STK3: variants seen among roughly 807,000 people sequenced by gnomAD.
STK3 encodes the protein serine/threonine kinase 3, also known as serine/threonine-protein kinase 3.
In STK3, 41 loss-of-function variants were observed where a neutral mutation model predicts 58.0. The observed-to-expected ratio is 0.71, with a 90% CI of 0.55 to 0.92. STK3 has a LOEUF of 0.92. Ranked by LOEUF, STK3 falls within the 40% of genes least tolerant of loss-of-function variation. The probability of loss-of-function intolerance (pLI) is 0.00; values close to 1 mark genes in which losing one functional copy is unlikely to be tolerated. For synonymous variants in STK3, 170 were observed against 191.0 expected, an observed-to-expected ratio of 0.89 and a Z score of 0.91; for missense variants, 479 against 602.7, an observed-to-expected ratio of 0.79 and a Z score of 2.15.
chr8:98,359,632 T>C, the STK3 span, among the ~76,000 whole-genome samples: 2 of 152,174 alleles, frequency 1.3e-5, no homozygotes, highest in South Asian at 4.1e-4. Flanking sequence ...AGTCTCCTAA[T>C]GGGTTTGCCT....
chr8:98,918,037 G>T (rs561492655), intron 1 of STK3, among the ~76,000 whole-genome samples: 1 of 152,312 alleles, frequency 6.6e-6, no homozygotes, highest in East Asian at 1.9e-4. Context: ...GACCTTGTAT[G>T]TATTATCTCA....
chr8:98,355,510 C>A, the STK3 span, among the ~76,000 whole-genome samples: 2 of 152,218 alleles, frequency 1.3e-5, no homozygotes, highest in Admixed American at 1.3e-4. Flanking sequence ...GTAGTACCTA[C>A]ATGATAGCAA....
Position 98,825,553 on chromosome 8 carries a change from CAG to C in STK3, c.-15_-14del, listed in dbSNP as rs1181011869. The C allele has an allele frequency of 2.1e-6, 3 of 1,455,708 alleles. No homozygotes were observed. The highest frequency in any genetic ancestry group is 3.1e-5 in the East Asian group (1 of 32,074). The allele number at this position is 1,455,708 out of a possible 1,614,324, so 90.2% of individuals were successfully genotyped here. A position where few individuals can be genotyped will look rare whatever the true frequency, so the allele number is the denominator to read the frequency against. On this transcript the variant is annotated 5_prime_UTR_variant, in exon 1 of 11. Coordinates refer to ENST00000419617, the MANE Select transcript of STK3 (RefSeq NM_006281.4). ...GCGGCTGCTCCATGGCGGCCGGGGA[CAG>C]AGAGAGGGACCTGGTGGACGGCGAA...
exon 3 of STK3, chr8:98,434,151 G>A (rs1818403275): frequency 6.6e-6 from 1 of 152,272 alleles, no homozygotes; most frequent in African/African-American, 2.4e-5. Context: ...GCATCTGCAG[G>A]TGGCCTCGTC....
At chr8:98,665,380 A>C (rs566239668) in intron 6 of STK3, among the ~76,000 whole-genome samples, 16 of 152,106 alleles carry the variant, frequency 1.1e-4, no homozygotes, top group Non-Finnish European at 1.9e-4. Flanking sequence ...TGGTTACATA[A>C]ACCACCAAGG....
At chr8:98,736,051 G>C (rs968720991) in intron 4 of STK3, among the ~76,000 whole-genome samples, 1 of 151,862 alleles carries the variant, frequency 6.6e-6, no homozygotes. Context: ...GGCACAAAAA[G>C]AACATGAAAC....
At chr8:98,422,309 T>C (rs1457500770) in intron 3 of STK3, among the ~76,000 whole-genome samples, 1 of 151,990 alleles carries the variant, frequency 6.6e-6, no homozygotes, top group Non-Finnish European at 1.5e-5. Flanking sequence ...CCTCTCAATC[T>C]CTCCCCTCCC....
At chr8:98,845,184 C>A (rs891399080) in intron 3 of STK3, among the ~76,000 whole-genome samples, 1 of 151,988 alleles carries the variant, frequency 6.6e-6, no homozygotes, top group East Asian at 1.9e-4. Flanking sequence ...CTAGCTATAC[C>A]GACTTATTTT....
chr8:98,651,183 C>T (rs185311143), intron 6 of STK3, among the ~76,000 whole-genome samples: 104 of 152,262 alleles, frequency 6.8e-4, no homozygotes, highest in African/African-American at 2.1e-3. Context: ...TTCGCGGTCA[C>T]GAAAATCTGC....
chr8:98,353,305 T>C, the STK3 span, among the ~76,000 whole-genome samples: 2 of 151,958 alleles, frequency 1.3e-5, no homozygotes, highest in African/African-American at 4.8e-5. Context: ...GAGACCTCCA[T>C]CTCTACAAAA....
rs940407987 is a variant in STK3 at position 98,706,633 on chromosome 8, T to C, written c.518A>G (p.Asp173Gly). 1.3e-6 allele frequency: 2 copies of C among 1,584,740 alleles called. No homozygotes were observed. Among genetic ancestry groups the C allele is most frequent in the Non-Finnish European group, 1.7e-6 (2 of 1,167,340 alleles). Residue 173 changes from aspartate (D) to glycine (G), a missense_variant and splice_region_variant, in exon 6 of 11, where the codon GAT becomes GGT. Coordinates refer to ENST00000419617, the MANE Select transcript of STK3 (RefSeq NM_006281.4). The part of the protein sequence containing the change: ...ADFGVAGQLT[D>G]TMAKRNTVIG... ...TACAGTATTGCGTTTTGCCATTGTA[T>C]CCTGCAATAATGTTACATAGCCATA...
At chr8:98,563,630 A>G (rs1392453015) in intron 8 of STK3, among the ~76,000 whole-genome samples, 1 of 152,162 alleles carries the variant, frequency 6.6e-6, no homozygotes, top group Non-Finnish European at 1.5e-5. Context: ...GAAATATACA[A>G]GATGAGCCTA....
intron 10 of STK3, among the ~76,000 whole-genome samples, chr8:98,462,374 T>G (rs953675729): frequency 1.3e-5 from 2 of 152,200 alleles, no homozygotes; most frequent in African/African-American, 4.8e-5. Flanking sequence ...CTACTCATGC[T>G]GTTTTCCTTC....
chr8:98,942,128 C>T (rs1447894706), intron 1 of STK3, among the ~76,000 whole-genome samples: 3 of 152,230 alleles, frequency 2.0e-5, no homozygotes, highest in Non-Finnish European at 2.9e-5. Flanking sequence ...GCAATGCCTG[C>T]GCCCTAGACG....
intron 9 of STK3, among the ~76,000 whole-genome samples, chr8:98,544,108 C>A (rs1194764233): frequency 6.6e-6 from 1 of 151,156 alleles, no homozygotes; most frequent in South Asian, 2.1e-4. Context: ...GCAGAAGCAA[C>A]GAAATAATGA....
intron 8 of STK3, among the ~76,000 whole-genome samples, chr8:98,563,059 A>C (rs1216395587): frequency 6.6e-6 from 1 of 152,116 alleles, no homozygotes; most frequent in Non-Finnish European, 1.5e-5. Context: ...ATTGAAACAA[A>C]TTCACTGAAG....
chr8:98,521,630 C>A (rs1052805862), intron 10 of STK3, among the ~76,000 whole-genome samples: 1 of 152,132 alleles, frequency 6.6e-6, no homozygotes, highest in Non-Finnish European at 1.5e-5. Flanking sequence ...GACTCTGTAA[C>A]CTTGCAAGCT....
chr8:98,510,315 C>T (rs868403536), intron 10 of STK3, among the ~76,000 whole-genome samples: 42 of 152,118 alleles, frequency 2.8e-4, no homozygotes, highest in African/African-American at 3.9e-4. Context: ...TGTCTGAAGA[C>T]GGTTATGTGT....
intron 9 of STK3, among the ~76,000 whole-genome samples, chr8:98,537,542 C>T (rs537564239): frequency 2.4e-4 from 36 of 152,238 alleles, no homozygotes; most frequent in African/African-American, 8.4e-4. Context: ...CAGGAAATCT[C>T]AAGATAGTAA....
Sources: gnomAD v4.1 joint callset for allele counts (sites outside exome capture counted in the v4.1 genomes callset) on GRCh38, gnomAD v4.1.1 for gene constraint, MANE v1.5 for transcripts, NCBI Gene and HGNC (gene_info 2026-07-23, HGNC 2026-07-21) for gene names.